The following RIMBP2 variants were observed in gnomAD, a reference collection of about 807,000 sequenced individuals.
RIMBP2 encodes the protein RIMS-binding protein 2.
RIMBP2 carries 48 observed loss-of-function variants against 118.6 expected under a neutral mutation model. The observed-to-expected ratio is 0.40, with a 90% CI of 0.32 to 0.51. The LOEUF is 0.51. RIMBP2 is among the 20% of genes least tolerant of loss of function. The pLI, the probability that RIMBP2 is intolerant of heterozygous loss-of-function variation, is 0.41. For missense variants in RIMBP2, 1,551 were observed against 1,768.3 expected (o/e 0.88, Z 2.20); for synonymous variants, 762 against 742.9 (o/e 1.03, Z -0.42).
intron 7 of RIMBP2, among the ~76,000 whole-genome samples, chr12:130,454,953 G>A (rs2079298537): frequency 1.3e-5 from 2 of 152,210 alleles, no homozygotes; most frequent in Admixed American, 1.3e-4. Flanking sequence ...TCCCCTGACT[G>A]ATAAAGGCAG....
intron 14 of RIMBP2, chr12:130,429,654 A>G (rs1427075078): frequency 6.6e-6 from 1 of 152,166 alleles, no homozygotes; most frequent in Non-Finnish European, 1.5e-5. Flanking sequence ...TCTAAAAAAA[A>G]ATCTGGTTTC....
intron 17 of RIMBP2, among the ~76,000 whole-genome samples, chr12:130,418,052 A>G (rs944077054): frequency 2.6e-5 from 4 of 152,228 alleles, no homozygotes; most frequent in Non-Finnish European, 4.4e-5. Flanking sequence ...TGACACAGGT[A>G]TGCAGAAGAG....
chr12:130,398,140 T>C (rs2074206955), intron 22 of RIMBP2: 1 of 152,506 alleles, frequency 6.6e-6, no homozygotes, highest in Admixed American at 6.5e-5. Context: ...TGAACATGAA[T>C]CTTCCTCAGT....
In RIMBP2 at chr12:130,576,598, C is replaced by T. The variant is rs2058098954; in HGVS notation, c.-217+51724G>A. Among the ~76,000 whole-genome samples the T allele has an allele frequency of 6.6e-6, 1 of 152,184 alleles. No homozygotes were observed. Among genetic ancestry groups the T allele is most frequent in the Admixed American group, 6.5e-5 (1 of 15,284 alleles). ...CTATTCAGTCCTCCCAGCCAAGTGGCTGGTAAACCCGAGCCTCCCTGGGTC... is the reference window on the plus strand; with the variant it reads ...CTATTCAGTCCTCCCAGCCAAGTGGTTGGTAAACCCGAGCCTCCCTGGGTC... On this transcript the variant is annotated intron_variant, in intron 2 of 22. Coordinates refer to ENST00000690449, the MANE Select transcript of RIMBP2 (RefSeq NM_001393629.1). This position sits in a 1 kb window ranked among gnomAD's most constrained non-coding sequence, Gnocchi z 4.2.
At chr12:130,476,206 C>G (rs1449662423) in intron 5 of RIMBP2, among the ~76,000 whole-genome samples, 1 of 152,204 alleles carries the variant, frequency 6.6e-6, no homozygotes, top group African/African-American at 2.4e-5. Flanking sequence ...GAACTACCCA[C>G]TGGACCGTAA....
chr12:130,453,686 G>A (rs1029732419), intron 7 of RIMBP2, among the ~76,000 whole-genome samples: 5 of 152,206 alleles, frequency 3.3e-5, no homozygotes, highest in African/African-American at 1.2e-4. Flanking sequence ...GGCCGGGCCG[G>A]GGGCTGTTGA....
intron 22 of RIMBP2, 130 bp downstream of exon 22, chr12:130,399,549 C>T: frequency 3.9e-6 from 4 of 1,038,564 alleles, no homozygotes; most frequent in Admixed American, 2.5e-5. Context: ...GGCTTCAGGG[C>T]AGAGAAAAAA....
chr12:130,606,986 C>T (rs2060230822), intron 2 of RIMBP2, among the ~76,000 whole-genome samples: 1 of 152,096 alleles, frequency 6.6e-6, no homozygotes, highest in African/African-American at 2.4e-5. Context: ...CGCTTGCCAC[C>T]ACACCTGGCT....
rs926508221 is a variant in RIMBP2 at position 130,450,731 on chromosome 12, T to C, written c.505-455A>G. Among the ~76,000 whole-genome samples, 1 of 151,100 alleles carries C rather than the reference T, an allele frequency of 6.6e-6. No individual in the cohort carries two copies. The highest frequency in any genetic ancestry group is 2.4e-5 in the African/African-American group (1 of 40,984). On this transcript the variant is annotated intron_variant, in intron 8 of 22. Coordinates refer to ENST00000690449, the MANE Select transcript of RIMBP2 (RefSeq NM_001393629.1). The surrounding 1 kb of genome is among the most constrained non-coding windows in gnomAD (Gnocchi z 4.8). The stretch of plus-strand genomic sequence containing the variant: ...AATTAGACCACATCACCCCCTGCCT[T>C]AACAGCTTTCAGTGGCTTCACCTCG...
chr12:130,512,265 G>A (rs545716312), intron 3 of RIMBP2, among the ~76,000 whole-genome samples: 6 of 152,182 alleles, frequency 3.9e-5, no homozygotes, highest in African/African-American at 1.2e-4. Flanking sequence ...CTCTGGCTGA[G>A]CACAATATAG....
At chr12:130,612,188 A>C (rs753160297) in intron 2 of RIMBP2, among the ~76,000 whole-genome samples, 1 of 151,848 alleles carries the variant, frequency 6.6e-6, no homozygotes, top group Non-Finnish European at 1.5e-5. Context: ...GCTTGGATTG[A>C]CCTGTGTCCG....
intron 7 of RIMBP2, among the ~76,000 whole-genome samples, chr12:130,454,266 C>A (rs189354641): frequency 9.8e-5 from 15 of 152,296 alleles, no homozygotes; most frequent in Non-Finnish European, 1.3e-4. Flanking sequence ...TGTATGATTT[C>A]TAATTATCCA....
At chr12:130,445,402 G>A (rs555786890) in intron 9 of RIMBP2, 133 bp from the exon 10 acceptor site, 168 of 580,824 alleles carry the variant, frequency 2.9e-4, no homozygotes, top group African/African-American at 2.5e-3. Context: ...ATAATCGTTC[G>A]GGGCTGATGA....
At chr12:130,456,774 G>C in intron 6 of RIMBP2, 74 bp from the exon 7 acceptor site, 1 of 1,133,972 alleles carries the variant, frequency 8.8e-7, no homozygotes, top group Non-Finnish European at 1.3e-6. Context: ...CTGTTCACAT[G>C]TGTTGTACGT....
At chr12:130,528,352 A>C (rs953985817) in intron 2 of RIMBP2, among the ~76,000 whole-genome samples, 1 of 152,242 alleles carries the variant, frequency 6.6e-6, no homozygotes, top group Non-Finnish European at 1.5e-5. Flanking sequence ...GGAACAAAAA[A>C]CTAAACACCA....
intron 12 of RIMBP2, 25 bp downstream of exon 12, chr12:130,438,340 C>CCA (rs1555249199): frequency 5.4e-6 from 6 of 1,107,854 alleles, no homozygotes; most frequent in Non-Finnish European, 6.7e-6. Flanking sequence ...AACAAACCCT[C>CCA]CCCACCCACC....
intron 2 of RIMBP2, among the ~76,000 whole-genome samples, chr12:130,608,297 G>T (rs1345548335): frequency 6.6e-6 from 1 of 152,250 alleles, no homozygotes; most frequent in Non-Finnish European, 1.5e-5. Flanking sequence ...ATGCTGGGCA[G>T]GAAGGCCAAC....
intron 2 of RIMBP2, among the ~76,000 whole-genome samples, chr12:130,530,477 TAAC>T (rs34927556): frequency 0.11 from 16,112 of 152,080 alleles, 917 homozygotes; most frequent in East Asian, 0.17. Flanking sequence ...CAGCTAAGAA[TAAC>T]AATTTTTAAA....
intron 1 of RIMBP2, among the ~76,000 whole-genome samples, chr12:130,698,071 G>T (rs2065659278): frequency 6.6e-6 from 1 of 152,180 alleles, no homozygotes; most frequent in Non-Finnish European, 1.5e-5. Flanking sequence ...TGAGAGCTGT[G>T]CTGTGAGGCC....
Sources: gnomAD v4.1 joint callset for allele counts (sites outside exome capture counted in the v4.1 genomes callset) on GRCh38, gnomAD v4.1.1 for gene constraint, Gnocchi (gnomAD v3.1) non-coding constraint, MANE v1.5 for transcripts, NCBI Gene and HGNC (gene_info 2026-07-23, HGNC 2026-07-21) for gene names.